RGS1: variants seen among roughly 807,000 people sequenced by gnomAD.
RGS1 encodes B-cell activation protein BL34.
Under a neutral mutation model 22.2 loss-of-function variants are expected in RGS1, and 11 were observed. That is an observed-to-expected ratio of 0.50 (90% CI 0.31 to 0.82). The LOEUF (loss-of-function observed/expected upper bound fraction) is 0.82. RGS1 is among the 40% of genes least tolerant of loss of function. RGS1 has a pLI of 0.04. For synonymous variants in RGS1, 81 were observed against 79.9 expected (o/e 1.01, Z -0.07); for missense variants, 255 against 245.8 (o/e 1.04, Z -0.25).
At chr1:192,576,140 G>A (rs1221890422) in intron 1 of RGS1, 145 bp from the exon 2 acceptor site, 3 of 887,438 alleles carry the variant, frequency 3.4e-6, no homozygotes, top group African/African-American at 1.7e-5. Flanking sequence ...CTCTACACAG[G>A]CTCATAAAAA....
chr1:192,576,737 A>G (rs1662066866), intron 2 of RGS1, 37 bp from the exon 3 acceptor site: 1 of 1,568,348 alleles, frequency 6.4e-7, no homozygotes, highest in South Asian at 1.1e-5. Context: ...TTACATTTTA[A>G]AAATTGACTA....
chr1:192,578,529 G>T, intron 4 of RGS1, 144 bp downstream of exon 4: 1 of 875,056 alleles, frequency 1.1e-6, no homozygotes. Context: ...ATAGTTCAGT[G>T]CAATGAGAAT....
intron 3 of RGS1, 97 bp downstream of exon 3, chr1:192,576,932 A>C (rs1317850627): frequency 5.6e-6 from 6 of 1,062,424 alleles, no homozygotes; most frequent in Non-Finnish European, 8.3e-6. Context: ...ATAGTATGCA[A>C]AAGGTTGTAT....
At position 192,579,185 on chromosome 1, in the gene RGS1, G is replaced by A; in HGVS notation, c.493G>A (p.Ala165Thr). 6.2e-7 allele frequency: 1 copy of A among 1,613,156 alleles called. No individual in the cohort carries two copies. ...TRESTAKKIK[A>T]PTPTCFDEAQ... is the part of the protein sequence containing the mutation. ...AGAATCTACAGCCAAGAAGATTAAAGCACCAACCCCCACGTGTTTTGATGA... is the reference window on the plus strand; with the variant it reads ...AGAATCTACAGCCAAGAAGATTAAAACACCAACCCCCACGTGTTTTGATGA... The change falls in exon 5 of 5, where the codon GCA becomes ACA. Residue 165 changes from alanine to threonine, a missense_variant. Ala to Thr is a moderately conservative substitution (Grantham distance 58). Transcript: ENST00000367459.
intron 4 of RGS1, 79 bp downstream of exon 4, chr1:192,578,464 G>A: frequency 6.7e-7 from 1 of 1,502,988 alleles, no homozygotes. Context: ...TATACAACAA[G>A]ATAAAATCCT....
Position 192,578,274 on chromosome 1 carries a change from T to C in RGS1, c.333T>C (p.Asn111=), listed in dbSNP as rs1029252879. 3 of 1,601,510 alleles carry C rather than the reference T, an allele frequency of 1.9e-6. No homozygotes were observed. The highest frequency in any genetic ancestry group is 2.6e-6 in the Non-Finnish European group (3 of 1,173,054). Reference sequence around the variant, plus strand: ...TAAAGTCTGAATTCAGTGAGGAGAATATTGAGTTCTGGCTGGCTTGTGAAG... The same window carrying C: ...TAAAGTCTGAATTCAGTGAGGAGAACATTGAGTTCTGGCTGGCTTGTGAAG... ...SFLKSEFSEE[N]IEFWLACEDY... The change falls in exon 4 of 5, where the codon AAT becomes AAC. Residue 111 remains asparagine, a synonymous_variant. Transcript: ENST00000367459.
chr1:192,575,939 T>C lies in RGS1; in HGVS notation c.137+10T>C. On this transcript the variant is annotated intron_variant, in intron 1 of 4. Transcript: ENST00000367459. ...GGAGGCCAAAGACTTTGTAAGTTTG[T>C]TCAGAGTCTCACTTTGTGAATTTTA... 1 of 1,612,516 alleles carries C rather than the reference T, an allele frequency of 6.2e-7. No individual in the cohort carries two copies. Among genetic ancestry groups the C allele is most frequent in the Middle Eastern group, 1.7e-4 (1 of 6,046 alleles).
Position 192,578,219 on chromosome 1 carries a change from T to C in RGS1, c.281-3T>C. On this transcript the variant is annotated splice_region_variant and splice_polypyrimidine_tract_variant and intron_variant, in intron 3 of 4. Coordinates refer to ENST00000367459, the MANE Select transcript of RGS1 (RefSeq NM_002922.4). ...TCCCCACCCACCCCTCGTTTCTTTTTAGCTGGTCAAAATGTCTTTGGAAGT... is the reference window on the plus strand; with the variant it reads ...TCCCCACCCACCCCTCGTTTCTTTTCAGCTGGTCAAAATGTCTTTGGAAGT... 3 of 1,607,138 alleles carry C rather than the reference T, an allele frequency of 1.9e-6. No individual in the cohort carries two copies. The highest frequency in any genetic ancestry group is 2.2e-5 in the South Asian group (2 of 89,320).
At chr1:192,577,000 A>G (rs1269839816) in intron 3 of RGS1, 165 bp downstream of exon 3, 1 of 472,974 alleles carries the variant, frequency 2.1e-6, no homozygotes, top group Non-Finnish European at 3.6e-6. Context: ...AATAATGCTG[A>G]CTTAGCACTC....
chr1:192,576,867 A>C (rs1414129892), intron 3 of RGS1, 32 bp downstream of exon 3: 1 of 1,572,774 alleles, frequency 6.4e-7, no homozygotes, highest in Non-Finnish European at 8.7e-7. Flanking sequence ...TTCTGGGTTC[A>C]GCTAAATACT....
At chr1:192,576,940 T>A in intron 3 of RGS1, 105 bp downstream of exon 3, 1 of 965,516 alleles carries the variant, frequency 1.0e-6, no homozygotes, top group Non-Finnish European at 1.5e-6. Flanking sequence ...CAAAAGGTTG[T>A]ATTCTAGTTT....
Position 192,578,394 on chromosome 1 carries a change from T to C in RGS1, c.444+9T>C, listed in dbSNP as rs778120235. On this transcript the variant is annotated intron_variant, in intron 4 of 4. Transcript: ENST00000367459. Reference sequence around the variant, plus strand: ...CAGATGCTGCTAAACAAGTGAGTATTAAGCTTATCATCATCAGTTTCTCCA... The same window carrying C: ...CAGATGCTGCTAAACAAGTGAGTATCAAGCTTATCATCATCAGTTTCTCCA... 5.0e-6 allele frequency: 8 copies of C among 1,611,612 alleles called. No individual in the cohort carries two copies. The South Asian group carries it at 6.6e-5, about 13-fold the overall frequency.
chr1:192,578,023 C>G (rs1035563722), intron 3 of RGS1, 199 bp from the exon 4 acceptor site: 14 of 604,500 alleles, frequency 2.3e-5, no homozygotes, highest in Non-Finnish European at 3.3e-5. Context: ...GCCCCAGATT[C>G]CTCTTCTATG....
chr1:192,576,845 A>C lies in RGS1; in HGVS notation c.280+10A>C. 1 of 1,608,656 alleles carries C rather than the reference A, an allele frequency of 6.2e-7. No individual in the cohort carries two copies. The highest frequency in any genetic ancestry group is 8.5e-7 in the Non-Finnish European group (1 of 1,176,212). On this transcript the variant is annotated intron_variant, in intron 3 of 4. Transcript: ENST00000367459. ...CTTCTTGCCAACCAAAGTAAGTATA[A>C]CTATTGAATGTTTCTGGGTTCAGCT...
chr1:192,578,151 T>A lies in RGS1; in HGVS notation c.281-71T>A, dbSNP rs143342641. 8.5e-6 allele frequency: 13 copies of A among 1,524,800 alleles called. No homozygotes were observed. The East Asian group carries it at 2.7e-4, about 32-fold the overall frequency. 94.5% of individuals were successfully genotyped at this position (1,524,800 alleles called of 1,614,324 possible). A position where few individuals can be genotyped will look rare whatever the true frequency, so the allele number is the denominator to read the frequency against. On this transcript the variant is annotated intron_variant, in intron 3 of 4. Coordinates refer to ENST00000367459, the MANE Select transcript of RGS1 (RefSeq NM_002922.4). ...CAATTGTATTTTTCTTACAAATTTC[T>A]TCTTCAAATTATTCATTTGTTGGTT...
At position 192,578,338 on chromosome 1, in the gene RGS1, G is replaced by A; in HGVS notation, c.397G>A (p.Ala133Thr). The A allele has an allele frequency of 6.2e-7, 1 of 1,613,076 alleles. No individual in the cohort carries two copies. Among genetic ancestry groups the A allele is most frequent in the Non-Finnish European group, 8.5e-7 (1 of 1,179,460 alleles). Reference sequence around the variant, plus strand: ...AGAGTCTGATCTTTTGCCCTGTAAAGCAGAAGAGATATATAAAGCATTTGT... The same window carrying A: ...AGAGTCTGATCTTTTGCCCTGTAAAACAGAAGAGATATATAAAGCATTTGT... ...KTESDLLPCK[A>T]EEIYKAFVHS... Residue 133 changes from alanine (A) to threonine (T), a missense_variant, in exon 4 of 5, where the codon GCA (alanine) becomes ACA (threonine). Ala to Thr is a moderately conservative substitution (Grantham distance 58). Coordinates refer to ENST00000367459, the MANE Select transcript of RGS1 (RefSeq NM_002922.4).
Position 192,576,805 on chromosome 1 carries a change from C to CA in RGS1, c.252dup (p.Ser85IlefsTer22), listed in dbSNP as rs772893793. ...TGCTGCTGAAGTAATGCAATGGTCT[C>CA]AATCTCTGGAAAAACTTCTTGCCAA... On this transcript the variant is annotated frameshift_variant, in exon 3 of 5. Transcript: ENST00000367459. LOFTEE classifies it high-confidence loss of function. 34 of 1,611,944 alleles carry CA rather than the reference C, an allele frequency of 2.1e-5. No homozygotes were observed. The highest frequency in any genetic ancestry group is 2.9e-5 in the Non-Finnish European group (34 of 1,178,926).
At chr1:192,578,745 A>G in intron 4 of RGS1, 1 of 395,802 alleles carries the variant, frequency 2.5e-6, no homozygotes, top group Non-Finnish European at 4.4e-6. Context: ...CAGCAAAAGT[A>G]TTTCCAATTA....
Position 192,579,901 on chromosome 1 carries a change from C to A in RGS1, c.*579C>A, listed in dbSNP as rs1023744892. The A allele has an allele frequency of 1.8e-4, 28 of 152,022 alleles. No homozygotes were observed. The highest frequency in any genetic ancestry group is 5.8e-4 in the African/African-American group (24 of 41,398). The allele number at this position is 152,022 out of a possible 1,614,324, so 9.4% of individuals were successfully genotyped here. A position where few individuals can be genotyped will look rare whatever the true frequency, so the allele number is the denominator to read the frequency against. Reference sequence around the variant, plus strand: ...ATATTTGTAAGTTAAATCATTGGTGCTAATAATAAATGTGGATTTTGTATT... The same window carrying A: ...ATATTTGTAAGTTAAATCATTGGTGATAATAATAAATGTGGATTTTGTATT... On this transcript the variant is annotated 3_prime_UTR_variant, in exon 5 of 5. Coordinates refer to ENST00000367459, the MANE Select transcript of RGS1 (RefSeq NM_002922.4).
Sources: gnomAD v4.1 joint callset for allele counts on GRCh38, gnomAD v4.1.1 for gene constraint, MANE v1.5 for transcripts, NCBI Gene and HGNC (gene_info 2026-07-23, HGNC 2026-07-21) for gene names.